The following IL1RAPL1 variants were observed in gnomAD, a reference collection of about 807,000 sequenced individuals.
IL1RAPL1 encodes interleukin 1 receptor accessory protein like 1.
A neutral mutation model predicts 48.4 loss-of-function variants in IL1RAPL1; 3 were observed. The observed-to-expected ratio is 0.06, with a 90% CI of 0.03 to 0.16. The LOEUF (loss-of-function observed/expected upper bound fraction) is 0.16. Ranked by LOEUF, IL1RAPL1 falls within the 10% of genes least tolerant of loss-of-function variation. The pLI is 1.00. For missense variants in IL1RAPL1, 349 were observed against 530.6 expected (o/e 0.66, Z 3.36); for synonymous variants, 185 against 187.7 (o/e 0.99, Z 0.12).
chrX:29,167,202 A>T (rs1929802179), intron 2 of IL1RAPL1, among the ~76,000 whole-genome samples: 1 of 110,553 alleles, frequency 9.0e-6, no homozygotes, highest in Non-Finnish European at 1.9e-5. Flanking sequence ...TGCCTATTTT[A>T]TTTTTTACAT....
chrX:28,887,636 C>G (rs5943468), intron 2 of IL1RAPL1, among the ~76,000 whole-genome samples: 46,697 of 110,013 alleles, frequency 0.42, 7,193 homozygotes, highest in Middle Eastern at 0.59. Flanking sequence ...CTGTCTATCC[C>G]CAAGCAATAT....
In IL1RAPL1 at chrX:29,502,316, C is replaced by T. The variant is rs191228653; in HGVS notation, c.703+103008C>T. Among the ~76,000 whole-genome samples the T allele has an allele frequency of 2.3e-3, 258 of 111,134 alleles. 2 individuals are homozygous for T. The highest frequency in any genetic ancestry group is 7.7e-3 in the African/African-American group (235 of 30,652). ...CAATTTTGATGCCTCTTATTTCTTT[C>T]TCTTGCCTAGTTGCTCTGTCTAGGA... is the stretch of plus-strand genomic sequence containing the variant. On this transcript the variant is annotated intron_variant, in intron 5 of 10. Coordinates refer to ENST00000378993, the MANE Select transcript of IL1RAPL1 (RefSeq NM_014271.4).
intron 5 of IL1RAPL1, among the ~76,000 whole-genome samples, chrX:29,650,974 G>C (rs1267552734): frequency 9.0e-6 from 1 of 110,633 alleles, no homozygotes; most frequent in Non-Finnish European, 1.9e-5. Flanking sequence ...GACAGGTATA[G>C]ACATTTCTCA....
intron 5 of IL1RAPL1, among the ~76,000 whole-genome samples, chrX:29,576,216 G>C (rs1422245837): frequency 2.7e-5 from 3 of 111,685 alleles, no homozygotes; most frequent in African/African-American, 9.8e-5. Flanking sequence ...GGATCTTTGA[G>C]GTTAGGGTCC....
In IL1RAPL1 at chrX:29,137,178, A is replaced by G. The variant is rs73631636; in HGVS notation, c.83-145760A>G. ...GGCCTCAGCTACCTTGGCCTCAGCT[A>G]CTGCTTACCTTGGCCTCAGGATATT... On this transcript the variant is annotated intron_variant, in intron 2 of 10. Transcript: ENST00000378993. Among the ~76,000 whole-genome samples, 876 of 109,388 alleles carry G rather than the reference A, an allele frequency of 8.0e-3. 9 individuals carry two copies. The highest frequency in any genetic ancestry group is 0.028 in the African/African-American group (824 of 29,811). 95.0% of individuals were successfully genotyped at this position (109,388 alleles called of 115,157 possible).
chrX:29,043,013 A>T (rs1926879922), intron 2 of IL1RAPL1, among the ~76,000 whole-genome samples: 1 of 111,918 alleles, frequency 8.9e-6, no homozygotes, highest in Non-Finnish European at 1.9e-5. Flanking sequence ...CTTAGATCAC[A>T]CATCTGTCCT....
intron 5 of IL1RAPL1, among the ~76,000 whole-genome samples, chrX:29,410,858 T>C (rs982147291): frequency 7.1e-5 from 8 of 112,187 alleles, no homozygotes; most frequent in African/African-American, 2.6e-4. Flanking sequence ...TTAGAAGTAA[T>C]AGACATCTGC....
intron 2 of IL1RAPL1, among the ~76,000 whole-genome samples, chrX:29,025,526 GAT>G (rs1926465516): frequency 9.0e-6 from 1 of 111,075 alleles, no homozygotes; most frequent in Non-Finnish European, 1.9e-5. Context: ...ATAAATTATA[GAT>G]ACCTTAACTT....
At chrX:28,951,700 C>G (rs1394587510) in intron 2 of IL1RAPL1, among the ~76,000 whole-genome samples, 1 of 111,198 alleles carries the variant, frequency 9.0e-6, no homozygotes, top group Non-Finnish European at 1.9e-5. Context: ...ATTAAATTCT[C>G]TTGCCTTTCT....
At chrX:29,797,370 GT>G (rs1929767531) in intron 6 of IL1RAPL1, among the ~76,000 whole-genome samples, 1 of 112,009 alleles carries the variant, frequency 8.9e-6, no homozygotes, top group African/African-American at 3.2e-5. Context: ...TGGCAGAACT[GT>G]TCTGAGAGCC....
intron 2 of IL1RAPL1, among the ~76,000 whole-genome samples, chrX:29,115,965 A>C (rs1352648710): frequency 2.7e-5 from 3 of 110,955 alleles, no homozygotes; most frequent in Non-Finnish European, 5.7e-5. Flanking sequence ...TTATTTAGCA[A>C]ATTAAAGAAT....
At chrX:29,211,667 G>T (rs1212425763) in intron 2 of IL1RAPL1, among the ~76,000 whole-genome samples, 1 of 111,499 alleles carries the variant, frequency 9.0e-6, no homozygotes, top group Non-Finnish European at 1.9e-5. Flanking sequence ...AAACCTGTAT[G>T]ATACTGAACC....
At chrX:29,616,751 G>C (rs73631668) in intron 5 of IL1RAPL1, among the ~76,000 whole-genome samples, 6 of 110,994 alleles carry the variant, frequency 5.4e-5, no homozygotes, top group African/African-American at 2.0e-4. Context: ...CACAGGAGAC[G>C]ATGCTGACTG....
chrX:29,397,821 A>G (rs974495940), intron 4 of IL1RAPL1, among the ~76,000 whole-genome samples: 7 of 111,424 alleles, frequency 6.3e-5, no homozygotes, highest in African/African-American at 2.3e-4. Context: ...TTTGTTGTTC[A>G]CTAATAAGTT....
intron 2 of IL1RAPL1, among the ~76,000 whole-genome samples, chrX:29,252,900 G>T (rs1194834919): frequency 9.0e-6 from 1 of 110,837 alleles, no homozygotes; most frequent in Non-Finnish European, 1.9e-5. Flanking sequence ...CTTACATTGG[G>T]ATTATGGTAG....
chrX:29,424,366 A>T, intron 5 of IL1RAPL1, among the ~76,000 whole-genome samples: 1 of 109,452 alleles, frequency 9.1e-6, no homozygotes, highest in Non-Finnish European at 1.9e-5. Flanking sequence ...AAGGAGTGGC[A>T]AGATGTGACA....
chrX:29,306,530 GAAAAAA>G (rs1166748708), intron 3 of IL1RAPL1, among the ~76,000 whole-genome samples: 1 of 33,442 alleles, frequency 3.0e-5, no homozygotes, highest in Non-Finnish European at 4.6e-5. Context: ...TCTGTCAAAA[GAAAAAA>G]AAAAAAAAAA....
intron 3 of IL1RAPL1, among the ~76,000 whole-genome samples, chrX:29,288,680 A>G (rs1255717866): frequency 8.9e-6 from 1 of 112,381 alleles, no homozygotes; most frequent in Non-Finnish European, 1.9e-5. Flanking sequence ...ATGCCCAGTA[A>G]TGGGATTGCT....
chrX:29,372,773 C>CTTTTT (rs1160543169), intron 3 of IL1RAPL1, among the ~76,000 whole-genome samples: 14 of 63,486 alleles, frequency 2.2e-4, no homozygotes, highest in African/African-American at 3.2e-4. Flanking sequence ...GTCTATGTGT[C>CTTTTT]TTTTTTTTTT....
Sources: allele counts gnomAD v4.1 joint callset (sites outside exome capture counted in the v4.1 genomes callset), GRCh38; gene constraint gnomAD v4.1.1; transcripts MANE v1.5; gene names NCBI Gene and HGNC (gene_info 2026-07-23, HGNC 2026-07-21).